The following MMP16 variants were observed in gnomAD, a reference collection of about 807,000 sequenced individuals.
MMP16 encodes the protein matrix metalloproteinase-16.
In MMP16, 12 loss-of-function variants were observed where a neutral mutation model predicts 67.8. That is an observed-to-expected ratio of 0.18 (90% confidence interval 0.11 to 0.29). MMP16 has a LOEUF of 0.29. Ranked by LOEUF, MMP16 falls within the 10% of genes least tolerant of loss-of-function variation. MMP16 has a pLI of 1.00. For missense variants in MMP16, 475 were observed against 765.7 expected (o/e 0.62, Z 4.48); for synonymous variants, 249 against 255.9 (o/e 0.97, Z 0.26).
chr8:88,056,834 T>G (rs1467181502), intron 7 of MMP16, among the ~76,000 whole-genome samples: 1 of 152,164 alleles, frequency 6.6e-6, no homozygotes, highest in Non-Finnish European at 1.5e-5. Context: ...ACTCTATTCA[T>G]GTCTTTAAGA....
intron 2 of MMP16, among the ~76,000 whole-genome samples, chr8:88,192,937 T>A (rs143455401): frequency 0.018 from 2,710 of 152,180 alleles, 40 homozygotes; most frequent in Non-Finnish European, 0.029. Flanking sequence ...GAAAGAGAAA[T>A]CCTTATACAC....
chr8:88,048,788 G>A (rs536214440), intron 8 of MMP16, among the ~76,000 whole-genome samples: 1 of 152,136 alleles, frequency 6.6e-6, no homozygotes, highest in East Asian at 1.9e-4. Context: ...ACACATATTT[G>A]GGAAATGATA....
At chr8:88,269,557 T>C (rs1810532605) in intron 1 of MMP16, among the ~76,000 whole-genome samples, 1 of 152,204 alleles carries the variant, frequency 6.6e-6, no homozygotes, top group African/African-American at 2.4e-5. Flanking sequence ...CTAGAACTGA[T>C]GGCTAGCTGG....
intron 3 of MMP16, among the ~76,000 whole-genome samples, chr8:88,172,699 ACTT>A (rs1487546683): frequency 1.3e-4 from 20 of 152,164 alleles, no homozygotes; most frequent in Middle Eastern, 3.2e-3. Context: ...AAGTGAGTAT[ACTT>A]CTTATTTTAA....
intron 7 of MMP16, among the ~76,000 whole-genome samples, chr8:88,067,117 G>A (rs1038635504): frequency 1.3e-5 from 2 of 151,888 alleles, no homozygotes; most frequent in African/African-American, 2.4e-5. Flanking sequence ...TTAATTAAAT[G>A]TTCTTTCTAC....
At chr8:88,103,372 C>T (rs1586152905) in intron 6 of MMP16, among the ~76,000 whole-genome samples, 1 of 151,616 alleles carries the variant, frequency 6.6e-6, no homozygotes, top group Admixed American at 6.6e-5. Flanking sequence ...TCATTTTATT[C>T]CTAATGTCTA....
intron 1 of MMP16, among the ~76,000 whole-genome samples, chr8:88,216,933 A>G (rs940367695): frequency 1.3e-5 from 2 of 152,022 alleles, no homozygotes; most frequent in Non-Finnish European, 2.9e-5. Flanking sequence ...AGTAACTTCA[A>G]ATTATTTACT....
intron 1 of MMP16, among the ~76,000 whole-genome samples, chr8:88,250,267 T>C (rs1221373813): frequency 3.3e-5 from 5 of 152,002 alleles, no homozygotes; most frequent in Admixed American, 3.3e-4. Flanking sequence ...ACAGAAACCC[T>C]AAAAACTCCA....
chr8:88,292,072 T>C (rs1473465221), intron 1 of MMP16, among the ~76,000 whole-genome samples: 1 of 152,180 alleles, frequency 6.6e-6, no homozygotes, highest in African/African-American at 2.4e-5. Flanking sequence ...TCTTATTCCA[T>C]TGCACAATAG....
At chr8:88,249,621 A>G (rs906643056) in intron 1 of MMP16, among the ~76,000 whole-genome samples, 2 of 152,090 alleles carry the variant, frequency 1.3e-5, no homozygotes, top group Non-Finnish European at 2.9e-5. Flanking sequence ...GACAAGCCTG[A>G]GAATGCCCTT....
intron 4 of MMP16, among the ~76,000 whole-genome samples, chr8:88,149,516 G>A (rs1808361756): frequency 6.6e-6 from 1 of 152,200 alleles, no homozygotes; most frequent in African/African-American, 2.4e-5. Context: ...GGAGATCTGA[G>A]AACGGGGGGA....
At chr8:88,284,713 C>T (rs1810795459) in intron 1 of MMP16, among the ~76,000 whole-genome samples, 1 of 152,188 alleles carries the variant, frequency 6.6e-6, no homozygotes, top group African/African-American at 2.4e-5. Flanking sequence ...TCTTTCTGCG[C>T]TCCAGTTTTT....
At chr8:88,223,041 G>A (rs908843792) in intron 1 of MMP16, among the ~76,000 whole-genome samples, 1 of 152,110 alleles carries the variant, frequency 6.6e-6, no homozygotes, top group African/African-American at 2.4e-5. Flanking sequence ...CAAAGGATAT[G>A]AACAGACACT....
intron 4 of MMP16, among the ~76,000 whole-genome samples, chr8:88,136,125 G>C (rs1808114794): frequency 1.3e-5 from 2 of 151,778 alleles, no homozygotes; most frequent in Admixed American, 6.6e-5. Flanking sequence ...AAGTTAAAAA[G>C]AGCTAAACTT....
Position 88,087,731 on chromosome 8 carries a change from C to T in MMP16, c.1084-12988G>A, listed in dbSNP as rs568709571. The stretch of plus-strand genomic sequence containing the variant: ...GGCCAAGGCAGGAGAATCACTTGAG[C>T]CCAGGAGTTCAAGACCAGCTGGGAC... On this transcript the variant is annotated intron_variant, in intron 6 of 9. Transcript: ENST00000286614. Among the ~76,000 whole-genome samples, 61 of 151,582 alleles carry T rather than the reference C, an allele frequency of 4.0e-4. 2 individuals carry two copies. Among genetic ancestry groups the T allele is most frequent in the African/African-American group, 1.4e-3 (59 of 41,156 alleles).
chr8:88,147,336 T>C (rs1172560094), intron 4 of MMP16, among the ~76,000 whole-genome samples: 1 of 152,126 alleles, frequency 6.6e-6, no homozygotes, highest in Non-Finnish European at 1.5e-5. Context: ...ATTTTAATTC[T>C]CATGTTTTAT....
intron 1 of MMP16, among the ~76,000 whole-genome samples, chr8:88,239,721 T>G (rs1469133179): frequency 6.6e-6 from 1 of 152,208 alleles, no homozygotes; most frequent in Non-Finnish European, 1.5e-5. Context: ...TGACATAACA[T>G]GAATGCTTTT....
At chr8:88,129,276 T>C (rs1807987894) in intron 4 of MMP16, among the ~76,000 whole-genome samples, 1 of 151,794 alleles carries the variant, frequency 6.6e-6, no homozygotes, top group African/African-American at 2.4e-5. Flanking sequence ...ATTTTGCTAT[T>C]TTCAGTTCAT....
chr8:88,050,290 T>A (rs1808253696), intron 8 of MMP16, among the ~76,000 whole-genome samples: 1 of 152,216 alleles, frequency 6.6e-6, no homozygotes, highest in Admixed American at 6.5e-5. Context: ...GCCACTGCAC[T>A]CCGGCTTGGG....
Sources: gnomAD v4.1 joint callset for allele counts (sites outside exome capture counted in the v4.1 genomes callset) on GRCh38, gnomAD v4.1.1 for gene constraint, MANE v1.5 for transcripts, NCBI Gene and HGNC (gene_info 2026-07-23, HGNC 2026-07-21) for gene names.